CWF19L2: variants seen among roughly 807,000 people sequenced by gnomAD.
CWF19L2 encodes the protein CWF19-like protein 2.
Under a neutral mutation model 111.7 loss-of-function variants are expected in CWF19L2, and 98 were observed. The ratio of observed to expected loss-of-function variants is 0.88; its 90% CI spans 0.75 to 1.04. The LOEUF (loss-of-function observed/expected upper bound fraction) is 1.04. CWF19L2 is among the 50% of genes least tolerant of loss of function. The probability of loss-of-function intolerance (pLI) is 0.00; values close to 1 mark genes in which losing one functional copy is unlikely to be tolerated. For synonymous variants in CWF19L2, 351 were observed against 342.9 expected, an observed-to-expected ratio of 1.02 and a Z score of -0.26; for missense variants, 1,101 against 1,051.4, an observed-to-expected ratio of 1.05 and a Z score of -0.65.
chr11:107,354,602 A>G (rs1860208371), intron 12 of CWF19L2, among the ~76,000 whole-genome samples: 2 of 152,298 alleles, frequency 1.3e-5, no homozygotes, highest in South Asian at 4.1e-4. Flanking sequence ...TATGTTTCCT[A>G]TGTACCTTAA....
chr11:107,356,812 C>T (rs891733151), intron 12 of CWF19L2, among the ~76,000 whole-genome samples: 7 of 151,956 alleles, frequency 4.6e-5, no homozygotes, highest in Non-Finnish European at 7.4e-5. Context: ...TGGAGGTGGG[C>T]GGATCACCTG....
chr11:107,337,367 TTG>T (rs5794537), intron 14 of CWF19L2, among the ~76,000 whole-genome samples: 9,668 of 148,024 alleles, frequency 0.065, 332 homozygotes, highest in Middle Eastern at 0.1. Flanking sequence ...GGTGTGTGTT[TTG>T]TGTGTGTGTG....
intron 9 of CWF19L2, among the ~76,000 whole-genome samples, chr11:107,416,987 A>G (rs1414501892): frequency 3.3e-5 from 5 of 152,168 alleles, no homozygotes; most frequent in Non-Finnish European, 5.9e-5. Flanking sequence ...TCCCTTACCA[A>G]TTTCTAGGAC....
At chr11:107,421,698 G>A (rs1861304719) in intron 8 of CWF19L2, among the ~76,000 whole-genome samples, 1 of 152,026 alleles carries the variant, frequency 6.6e-6, no homozygotes, top group Non-Finnish European at 1.5e-5. Context: ...TTACAAGACT[G>A]ACCATTCCAA....
At position 107,457,818 on chromosome 11, in the gene CWF19L2, G is replaced by A. The variant is rs2276271; in HGVS notation, c.-2C>T. 0.035 allele frequency: 54,359 copies of A among 1,550,314 alleles called. 1,263 individuals carry two copies. The highest frequency in any genetic ancestry group is 0.13 in the East Asian group (5,516 of 40,906). ...AGCAGCCGCCATACTTGTTGCCATC[G>A]TAAAGCTAAGAAGCCGCAAGAAAAT... On this transcript the variant is annotated 5_prime_UTR_variant, in exon 1 of 18. In the 5' UTR this introduces an upstream ATG that the reference lacks. Transcript: ENST00000282251.
chr11:107,397,404 T>C (rs1042029228), intron 10 of CWF19L2, among the ~76,000 whole-genome samples: 2 of 151,930 alleles, frequency 1.3e-5, no homozygotes, highest in African/African-American at 4.8e-5. Context: ...TTCCCCCACT[T>C]CCCTGACAAC....
chr11:107,357,427 C>T (rs1210672416), intron 12 of CWF19L2, among the ~76,000 whole-genome samples: 2 of 152,146 alleles, frequency 1.3e-5, no homozygotes, highest in Non-Finnish European at 2.9e-5. Flanking sequence ...ATAATTGTGC[C>T]TTCATATGAT....
intron 5 of CWF19L2, among the ~76,000 whole-genome samples, chr11:107,440,680 A>T (rs931533347): frequency 6.6e-6 from 1 of 152,220 alleles, no homozygotes; most frequent in Non-Finnish European, 1.5e-5. Context: ...TATAAAAGAC[A>T]AAGGATTGAA....
chr11:107,449,943 CTGATA>C (rs1861755112), intron 3 of CWF19L2, among the ~76,000 whole-genome samples: 1 of 151,958 alleles, frequency 6.6e-6, no homozygotes, highest in South Asian at 2.1e-4. Flanking sequence ...ATAAATTTGG[CTGATA>C]TAATTTTAAT....
Position 107,370,926 on chromosome 11 carries a change from T to C in CWF19L2, c.1873-17190A>G, listed in dbSNP as rs1732707648. 1.5e-5 allele frequency among the ~76,000 whole-genome samples: 2 copies of C among 137,554 alleles called. 1 individual carries two copies. The highest frequency in any genetic ancestry group is 1.4e-4 in the Admixed American group (2 of 14,056). 90.2% of individuals were successfully genotyped at this position (137,554 alleles called of 152,430 possible). ...ATAAGTACCTTTTATCATTTGTCTG[T>C]ACAATACCTTTAAGAAAACTATTTA... is the stretch of plus-strand genomic sequence containing the variant. On this transcript the variant is annotated intron_variant, in intron 12 of 17. Coordinates refer to ENST00000282251, the MANE Select transcript of CWF19L2 (RefSeq NM_152434.3).
At chr11:107,457,445 TA>T (rs2135435087) in intron 1 of CWF19L2, among the ~76,000 whole-genome samples, 1 of 152,174 alleles carries the variant, frequency 6.6e-6, no homozygotes, top group Admixed American at 6.5e-5. Context: ...GATAGAAATG[TA>T]AAGAATGGGT....
chr11:107,437,374 C>CT (rs1381761743), intron 6 of CWF19L2, among the ~76,000 whole-genome samples: 1 of 152,130 alleles, frequency 6.6e-6, no homozygotes, highest in African/African-American at 2.4e-5. Flanking sequence ...AAGTCTAGTC[C>CT]TTTAACAATA....
At position 107,429,071 on chromosome 11, in the gene CWF19L2, T is replaced by A. The variant is rs374567065; in HGVS notation, c.1161A>T (p.Glu387Asp). The change falls in exon 8 of 18, where the codon GAA becomes GAT. Residue 387 changes from glutamate (E) to aspartate (D), a missense_variant. Coordinates refer to ENST00000282251, the MANE Select transcript of CWF19L2 (RefSeq NM_152434.3). ...CCAATGCTGAAGATGAACTAAGTGG[T>A]TCAAATTTTCTGCCCTTGCTGTGAA... ...LSFHSKGRKF[E>D]PLSSSSALVA... 2 of 1,613,862 alleles carry A rather than the reference T, an allele frequency of 1.2e-6. No homozygotes were observed. The highest frequency in any genetic ancestry group is 1.7e-6 in the Non-Finnish European group (2 of 1,179,834).
intron 6 of CWF19L2, among the ~76,000 whole-genome samples, chr11:107,435,230 A>G (rs182869390): frequency 2.0e-5 from 3 of 152,208 alleles, no homozygotes; most frequent in Non-Finnish European, 4.4e-5. Flanking sequence ...ATGATTTCAC[A>G]TTTTATTCAA....
At chr11:107,330,367 C>T (rs904611202) in intron 16 of CWF19L2, among the ~76,000 whole-genome samples, 4 of 152,006 alleles carry the variant, frequency 2.6e-5, no homozygotes, top group African/African-American at 9.7e-5. Context: ...TAAGTATATG[C>T]CTTCTTGTAT....
At chr11:107,341,953 T>C (rs1860011082) in intron 14 of CWF19L2, among the ~76,000 whole-genome samples, 1 of 152,148 alleles carries the variant, frequency 6.6e-6, no homozygotes, top group Admixed American at 6.5e-5. Flanking sequence ...TTCTCATTTT[T>C]TTTCCTTTGT....
intron 12 of CWF19L2, among the ~76,000 whole-genome samples, chr11:107,362,265 C>T (rs1322846819): frequency 6.6e-6 from 1 of 152,098 alleles, no homozygotes; most frequent in Non-Finnish European, 1.5e-5. Context: ...CCGCCATTGC[C>T]CAGGCTTGCT....
chr11:107,434,692 A>C (rs1861516185), intron 6 of CWF19L2, among the ~76,000 whole-genome samples: 1 of 150,662 alleles, frequency 6.6e-6, no homozygotes, highest in Non-Finnish European at 1.5e-5. Context: ...AAAAAAAAGA[A>C]AAAACTACAA....
rs1371211167 is a variant in CWF19L2, at chr11:107,372,915, G to A, written c.1872+17159C>T. 6.4e-5 allele frequency among the ~76,000 whole-genome samples: 8 copies of A among 125,436 alleles called. 2 individuals carry two copies. The highest frequency in any genetic ancestry group is 1.7e-4 in the African/African-American group (5 of 28,706). 82.3% of individuals were successfully genotyped at this position (125,436 alleles called of 152,430 possible). A position where few individuals can be genotyped will look rare whatever the true frequency, so the allele number is the denominator to read the frequency against. On this transcript the variant is annotated intron_variant, in intron 12 of 17. Coordinates refer to ENST00000282251, the MANE Select transcript of CWF19L2 (RefSeq NM_152434.3). ...AGTGGGCGCAGGCCAGTGGGTGCGCGCACCATGCGTGAGCCGAAGCAGGGC... is the reference window on the plus strand; with the variant it reads ...AGTGGGCGCAGGCCAGTGGGTGCGCACACCATGCGTGAGCCGAAGCAGGGC...
Sources: allele counts gnomAD v4.1 joint callset (sites outside exome capture counted in the v4.1 genomes callset), GRCh38; gene constraint gnomAD v4.1.1; transcripts MANE v1.5; gene names NCBI Gene and HGNC (gene_info 2026-07-23, HGNC 2026-07-21).